Variants in LPP observed in about 807,000 individuals in gnomAD.
The protein encoded by LPP is LIM domain containing preferred translocation partner in lipoma.
Under a neutral mutation model 60.4 loss-of-function variants are expected in LPP, and 38 were observed. That is an observed-to-expected ratio of 0.63 (90% CI 0.49 to 0.83). The LOEUF (loss-of-function observed/expected upper bound fraction) is 0.83. Among genes scored for constraint, LPP ranks in the 40% least tolerant of loss-of-function variants. The probability of loss-of-function intolerance (pLI) is 0.00; values close to 1 mark genes in which losing one functional copy is unlikely to be tolerated. For synonymous variants in LPP, 328 were observed against 290.8 expected (o/e 1.13, Z -1.30); for missense variants, 902 against 783.6 (o/e 1.15, Z -1.80).
Position 188,609,174 on chromosome 3 carries a change from C to T in LPP, c.443C>T (p.Ser148Leu). Residue 148 changes from serine (S) to leucine (L), a missense_variant, in exon 7 of 12, where the codon TCA becomes TTA. Physicochemically the swap from Ser to Leu is moderately radical, Grantham distance 145. Coordinates refer to ENST00000617246, the MANE Select transcript of LPP (RefSeq NM_001375462.1). This position sits in a 1 kb window ranked among gnomAD's most constrained non-coding sequence, Gnocchi z 6.9. ...KPRPPQSSTG[S>L]TASPPVSTPV... ...TATTCTTTTTAGAGCTCCACTGGTT[C>T]AACAGCCTCTCCTCCAGTTTCGACC... 2 of 1,608,256 alleles carry T rather than the reference C, an allele frequency of 1.2e-6. No individual in the cohort carries two copies. The highest frequency in any genetic ancestry group is 1.7e-6 in the Non-Finnish European group (2 of 1,176,264).
rs1819960421 is a variant in LPP at position 188,524,679 on chromosome 3, C to G, written c.321C>G (p.Gly107=). 1.9e-6 allele frequency: 3 copies of G among 1,613,488 alleles called. No individual in the cohort carries two copies. Among genetic ancestry groups the G allele is most frequent in the South Asian group, 1.1e-5 (1 of 91,038 alleles). The part of the protein sequence containing the change: ...EAFKVQGNPG[G]KTLEERRSSL... ...GCTTCCAACAGGGGAATCCCGGAGG[C>G]AAGACACTTGAGGAGAGGCGCTCCA... Residue 107 remains glycine, a synonymous_variant, in exon 6 of 12, where the codon GGC becomes GGG. Transcript: ENST00000617246.
intron 3 of LPP, among the ~76,000 whole-genome samples, chr3:188,396,332 C>T (rs140574299): frequency 1.5e-4 from 23 of 152,262 alleles, no homozygotes; most frequent in African/African-American, 5.5e-4. Flanking sequence ...CAGAAAAATA[C>T]AAACAGAATC....
intron 2 of LPP, among the ~76,000 whole-genome samples, chr3:188,270,273 G>A (rs544268304): frequency 3.3e-5 from 5 of 151,468 alleles, no homozygotes; most frequent in South Asian, 4.2e-4. Flanking sequence ...AACAACCTTC[G>A]TTCCCAAACA....
chr3:188,361,843 C>T lies in LPP; in HGVS notation c.-10+20124C>T, dbSNP rs572894281. Among the ~76,000 whole-genome samples the T allele has an allele frequency of 6.6e-4, 101 of 152,258 alleles. 1 individual carries two copies. In the South Asian group the frequency reaches 0.016, roughly 24 times the overall value. Reference sequence around the variant, plus strand: ...TTGGCTTCCCAAAGTGTTGGGATTACGGGCGTGAGCCACTGTGCCTAGCCC... The same window carrying T: ...TTGGCTTCCCAAAGTGTTGGGATTATGGGCGTGAGCCACTGTGCCTAGCCC... On this transcript the variant is annotated intron_variant, in intron 3 of 11. Coordinates refer to ENST00000617246, the MANE Select transcript of LPP (RefSeq NM_001375462.1).
chr3:188,876,270 T>C lies in LPP; in HGVS notation c.*1791T>C, dbSNP rs13074974. ...ATAGGAATGATCATAAAAGTGATTC[T>C]TTTTTTGTGACTAGAAATTCTTAAG... On this transcript the variant is annotated 3_prime_UTR_variant, in exon 12 of 12. Transcript: ENST00000617246. 0.042 allele frequency: 7,839 copies of C among 188,182 alleles called. 223 individuals carry two copies. Among genetic ancestry groups the C allele is most frequent in the Non-Finnish European group, 0.064 (5,723 of 89,114 alleles). The allele number at this position is 188,182 out of a possible 1,614,324, so 11.7% of individuals were successfully genotyped here.
chr3:188,593,383 G>C (rs1646875400), intron 6 of LPP, among the ~76,000 whole-genome samples: 1 of 151,632 alleles, frequency 6.6e-6, no homozygotes, highest in African/African-American at 2.4e-5. Context: ...GGAAAATGAG[G>C]AATAATTTCA....
chr3:188,884,437 T>C lies in LPP; in HGVS notation c.*9958T>C, dbSNP rs1770429956. 4.4e-6 allele frequency: 1 copy of C among 229,698 alleles called. No homozygotes were observed. The highest frequency in any genetic ancestry group is 1.8e-4 in the South Asian group (1 of 5,484). The allele number at this position is 229,698 out of a possible 1,614,324, so 14.2% of individuals were successfully genotyped here. ...ACATGTGTACTGCGGTCTTTAGAGA[T>C]CATTTAGAGCTTGCACACATCTGTG... On this transcript the variant is annotated 3_prime_UTR_variant, in exon 12 of 12. Coordinates refer to ENST00000617246, the MANE Select transcript of LPP (RefSeq NM_001375462.1).
intron 4 of LPP, among the ~76,000 whole-genome samples, chr3:188,477,935 C>G (rs1803666641): frequency 6.6e-6 from 1 of 152,066 alleles, no homozygotes; most frequent in Admixed American, 6.6e-5. Context: ...AAGGTGCTTT[C>G]TGGTACAGTT....
chr3:188,457,101 G>A (rs1458954851), intron 4 of LPP, among the ~76,000 whole-genome samples: 1 of 152,186 alleles, frequency 6.6e-6, no homozygotes, highest in African/African-American at 2.4e-5. Flanking sequence ...ATACATGGGT[G>A]ATAGACAGAG....
chr3:188,282,715 C>T (rs1742536395), intron 2 of LPP, among the ~76,000 whole-genome samples: 1 of 152,206 alleles, frequency 6.6e-6, no homozygotes, highest in Non-Finnish European at 1.5e-5. Context: ...CTGGCTACCT[C>T]TGCCAGGCAG....
intron 2 of LPP, among the ~76,000 whole-genome samples, chr3:188,278,036 G>A (rs6803885): frequency 0.73 from 110,481 of 152,122 alleles, 41,299 homozygotes; most frequent in African/African-American, 0.9. Flanking sequence ...CTGGATTTTA[G>A]CCCCCAGCCT....
At chr3:188,438,354 T>TTCACACAC (rs374408127) in intron 4 of LPP, among the ~76,000 whole-genome samples, 1,648 of 138,066 alleles carry the variant, frequency 0.012, 61 homozygotes, top group African/African-American at 0.016. Context: ...TTCCATGCAT[T>TTCACACAC]ACACACACAC....
At chr3:188,455,219 G>A (rs1797461279) in intron 4 of LPP, among the ~76,000 whole-genome samples, 1 of 151,966 alleles carries the variant, frequency 6.6e-6, no homozygotes, top group Admixed American at 6.6e-5. Flanking sequence ...GAAGTCTTAA[G>A]GCTATTATTA....
At chr3:188,820,460 T>C (rs900341618) in intron 9 of LPP, among the ~76,000 whole-genome samples, 2 of 152,150 alleles carry the variant, frequency 1.3e-5, no homozygotes, top group African/African-American at 4.8e-5. Flanking sequence ...TGAATCTGTG[T>C]GCACTCATTG....
intron 2 of LPP, among the ~76,000 whole-genome samples, chr3:188,262,296 T>A (rs529596309): frequency 1.3e-5 from 2 of 152,060 alleles, no homozygotes; most frequent in African/African-American, 4.8e-5. Context: ...AGTCTTAAAA[T>A]TCTTAATAAT....
intron 4 of LPP, among the ~76,000 whole-genome samples, chr3:188,448,420 TTA>T (rs1331611355): frequency 2.0e-5 from 3 of 152,058 alleles, no homozygotes; most frequent in East Asian, 1.9e-4. Context: ...ATATCTATAT[TTA>T]GATAAAGATA....
chr3:188,196,241 C>T (rs983414215), intron 1 of LPP, among the ~76,000 whole-genome samples: 1 of 152,176 alleles, frequency 6.6e-6, no homozygotes, highest in Non-Finnish European at 1.5e-5. Flanking sequence ...GTGTTTATCT[C>T]CAGTTTGGAA....
chr3:188,153,470 G>T (rs532756194), upstream of LPP: 14 of 152,330 alleles, frequency 9.2e-5, no homozygotes, highest in African/African-American at 3.4e-4. Flanking sequence ...GCCCTAATTT[G>T]ACGCCTTAAT....
rs372539871 is a variant in LPP at position 188,609,320 on chromosome 3, G to A, written c.589G>A (p.Gly197Arg). 20 of 1,613,826 alleles carry A rather than the reference G, an allele frequency of 1.2e-5. No homozygotes were observed. In the East Asian group the frequency reaches 1.3e-4, roughly 11 times the overall value. ...TGGACCCATCCCTGTGGCTCCAATC[G>A]GAACACTCAAACCCCAGCCTCAGCC... is the stretch of plus-strand genomic sequence containing the variant. ...QAGPIPVAPI[G>R]TLKPQPQPVP... is the part of the protein sequence containing the mutation. Residue 197 changes from glycine to arginine, a missense_variant, in exon 7 of 12, where the codon GGA (glycine) becomes AGA (arginine). By Grantham distance (125) the Gly-to-Arg change is moderately radical (BLOSUM62 -2). Transcript: ENST00000617246. The surrounding 1 kb of genome is among the most constrained non-coding windows in gnomAD (Gnocchi z 6.9).
Sources: allele counts gnomAD v4.1 joint callset (sites outside exome capture counted in the v4.1 genomes callset), GRCh38; gene constraint gnomAD v4.1.1; non-coding constraint Gnocchi (gnomAD v3.1); transcripts MANE v1.5; gene names NCBI Gene and HGNC (gene_info 2026-07-23, HGNC 2026-07-21).